SETD3: variants seen among roughly 807,000 people sequenced by gnomAD.
The protein encoded by SETD3 is actin-histidine N-methyltransferase.
A neutral mutation model predicts 63.0 loss-of-function variants in SETD3; 19 were observed. The ratio of observed to expected loss-of-function variants is 0.30; its 90% confidence interval spans 0.21 to 0.44. The LOEUF (loss-of-function observed/expected upper bound fraction) is 0.44, where lower values mean the gene tolerates loss of function less well. Among genes scored for constraint, SETD3 ranks in the 20% least tolerant of loss-of-function variants. The pLI is 1.00. For missense variants in SETD3, 587 were observed against 728.5 expected, an observed-to-expected ratio of 0.81 and a Z score of 2.24; for synonymous variants, 286 against 264.1, an observed-to-expected ratio of 1.08 and a Z score of -0.80.
chr14:99,449,487 C>G (rs567361227), intron 6 of SETD3, among the ~76,000 whole-genome samples: 4 of 152,194 alleles, frequency 2.6e-5, no homozygotes, highest in Non-Finnish European at 4.4e-5. Flanking sequence ...TAATTTCAGT[C>G]TACACATGAT....
intron 6 of SETD3, among the ~76,000 whole-genome samples, chr14:99,448,424 A>G (rs1284936389): frequency 6.6e-6 from 1 of 152,118 alleles, no homozygotes; most frequent in East Asian, 1.9e-4. Flanking sequence ...CGTGGAAAAG[A>G]GCCGCTCCGA....
intron 6 of SETD3, among the ~76,000 whole-genome samples, chr14:99,426,502 T>C (rs1028763887): frequency 1.3e-5 from 2 of 152,132 alleles, no homozygotes; most frequent in Non-Finnish European, 2.9e-5. Context: ...GCAGAGCAGC[T>C]GAGGCCTGAA....
chr14:99,440,154 T>C (rs957939013), intron 6 of SETD3, among the ~76,000 whole-genome samples: 25 of 152,270 alleles, frequency 1.6e-4, no homozygotes, highest in African/African-American at 4.8e-4. Flanking sequence ...TTTAAAAGAA[T>C]ATGAATGTTA....
In SETD3 at chr14:99,406,598, G is replaced by C. The variant is rs772631283; in HGVS notation, c.850-8C>G. 8 of 1,613,632 alleles carry C rather than the reference G, an allele frequency of 5.0e-6. No individual in the cohort carries two copies. The highest frequency in any genetic ancestry group is 5.1e-6 in the Non-Finnish European group (6 of 1,179,572). ...GTTGTAACCAGTAGTGATCTAGCCCGGGGAGGAGGAAGGAAATGATGGTGA... is the reference window on the plus strand; with the variant it reads ...GTTGTAACCAGTAGTGATCTAGCCCCGGGAGGAGGAAGGAAATGATGGTGA... On this transcript the variant is annotated splice_polypyrimidine_tract_variant and splice_region_variant and intron_variant, in intron 8 of 12. Coordinates refer to ENST00000331768, the MANE Select transcript of SETD3 (RefSeq NM_032233.3).
At chr14:99,440,408 G>A (rs1427654112) in intron 6 of SETD3, among the ~76,000 whole-genome samples, 1 of 152,144 alleles carries the variant, frequency 6.6e-6, no homozygotes, top group African/African-American at 2.4e-5. Flanking sequence ...GTCGATAATC[G>A]CATTTCACTA....
Position 99,471,875 on chromosome 14 carries a change from G to A in SETD3, c.-8-6062C>T, listed in dbSNP as rs138456892. 3.1e-4 allele frequency among the ~76,000 whole-genome samples: 47 copies of A among 152,238 alleles called. No homozygotes were observed. In the East Asian group the frequency reaches 9.1e-3, roughly 29 times the overall value. On this transcript the variant is annotated intron_variant, in intron 1 of 12. Transcript: ENST00000331768. ...CATGGGCACTTGTGACCAAGGACAC[G>A]AGCATCCGCCCATGACCTCCCTGCA...
chr14:99,414,332 G>A (rs141442993), intron 6 of SETD3, among the ~76,000 whole-genome samples: 244 of 152,360 alleles, frequency 1.6e-3, no homozygotes, highest in African/African-American at 5.6e-3. Context: ...ATGATGTACC[G>A]CACAGGCCTT....
At chr14:99,424,896 CA>C (rs1892796664) in intron 6 of SETD3, among the ~76,000 whole-genome samples, 1 of 152,032 alleles carries the variant, frequency 6.6e-6, no homozygotes, top group African/African-American at 2.4e-5. Context: ...ACTCACCGGC[CA>C]GGCTGAGAAG....
chr14:99,469,856 A>G (rs1038701156), intron 1 of SETD3, among the ~76,000 whole-genome samples: 1 of 152,246 alleles, frequency 6.6e-6, no homozygotes, highest in Non-Finnish European at 1.5e-5. Context: ...CCTTGCCAGC[A>G]GTCCTGACGA....
At chr14:99,447,116 C>A (rs557649630) in intron 6 of SETD3, among the ~76,000 whole-genome samples, 1 of 152,096 alleles carries the variant, frequency 6.6e-6, no homozygotes, top group Non-Finnish European at 1.5e-5. Flanking sequence ...GGACTACAGG[C>A]GCACGCCACC....
chr14:99,466,992 G>A (rs1895421354), intron 1 of SETD3, among the ~76,000 whole-genome samples: 1 of 152,230 alleles, frequency 6.6e-6, no homozygotes, highest in Non-Finnish European at 1.5e-5. Context: ...CTATCACCAT[G>A]TGAAGAACTA....
At chr14:99,417,718 C>T (rs1468786461) in intron 6 of SETD3, among the ~76,000 whole-genome samples, 2 of 152,210 alleles carry the variant, frequency 1.3e-5, no homozygotes, top group African/African-American at 4.8e-5. Flanking sequence ...AGCTTTGAAA[C>T]ATTAACAGCT....
At chr14:99,449,161 A>G (rs984752202) in intron 6 of SETD3, among the ~76,000 whole-genome samples, 20 of 152,246 alleles carry the variant, frequency 1.3e-4, no homozygotes, top group Non-Finnish European at 2.2e-4. Context: ...TAAAATCCCA[A>G]TGAATGCATG....
At chr14:99,484,100 G>T (rs938377728), upstream of SETD3, among the ~76,000 whole-genome samples, 1 of 152,214 alleles carries the variant, frequency 6.6e-6, no homozygotes, top group African/African-American at 2.4e-5. Context: ...AGTTTTCCTG[G>T]CTTGACAAAA....
At chr14:99,463,096 C>T (rs1163090765) in intron 3 of SETD3, among the ~76,000 whole-genome samples, 1 of 152,174 alleles carries the variant, frequency 6.6e-6, no homozygotes, top group Non-Finnish European at 1.5e-5. Flanking sequence ...TGTGTGAGTT[C>T]ATTATAAACC....
chr14:99,471,441 A>T (rs1453630373), intron 1 of SETD3, among the ~76,000 whole-genome samples: 1 of 152,248 alleles, frequency 6.6e-6, no homozygotes, highest in Non-Finnish European at 1.5e-5. Context: ...CATGAAGGAC[A>T]GGGGTTAGGG....
chr14:99,413,845 A>T (rs747175060), intron 7 of SETD3, 31 bp downstream of exon 7: 3 of 1,610,688 alleles, frequency 1.9e-6, no homozygotes, highest in African/African-American at 1.3e-5. Context: ...ACCACCCTCA[A>T]TACACAGACA....
intron 1 of SETD3, among the ~76,000 whole-genome samples, chr14:99,474,404 G>A (rs1310539517): frequency 6.6e-6 from 1 of 152,104 alleles, no homozygotes; most frequent in Non-Finnish European, 1.5e-5. Flanking sequence ...AGGCAAGCAG[G>A]CAGGGAAGAA....
chr14:99,468,230 G>A (rs370574462), intron 1 of SETD3, among the ~76,000 whole-genome samples: 13 of 145,250 alleles, frequency 9.0e-5, no homozygotes, highest in Admixed American at 3.5e-4. Flanking sequence ...CCCACACCCC[G>A]CCACAACCCT....
Sources: allele counts gnomAD v4.1 joint callset (sites outside exome capture counted in the v4.1 genomes callset), GRCh38; gene constraint gnomAD v4.1.1; transcripts MANE v1.5; gene names NCBI Gene and HGNC (gene_info 2026-07-23, HGNC 2026-07-21).